Variants in PLA1A observed in about 807,000 individuals in gnomAD.
PLA1A encodes the protein phosphatidylserine-specific phospholipase A1alpha.
Under a neutral mutation model 49.4 loss-of-function variants are expected in PLA1A, and 47 were observed. The ratio of observed to expected loss-of-function variants is 0.95; its 90% CI spans 0.75 to 1.21. The LOEUF is 1.21. PLA1A is among the 50% of genes most tolerant of loss of function. The pLI is 0.00. For synonymous variants in PLA1A, 224 were observed against 207.9 expected (o/e 1.08, Z -0.67); for missense variants, 561 against 563.9 (o/e 0.99, Z 0.05).
chr3:119,622,211 G>GAAGAAGA (rs879382116), intron 8 of PLA1A, among the ~76,000 whole-genome samples: 914 of 38,180 alleles, frequency 0.024, 25 homozygotes, highest in African/African-American at 0.068. Context: ...GAAGAAGAAG[G>GAAGAAGA]AGACAGAATC....
intron 1 of PLA1A, chr3:119,600,131 T>C: frequency 2.1e-6 from 1 of 476,114 alleles, no homozygotes; most frequent in Non-Finnish European, 3.7e-6. Context: ...GCTCAAATGA[T>C]CGGGAGGGAG....
intron 8 of PLA1A, among the ~76,000 whole-genome samples, chr3:119,622,490 C>T (rs1577153787): frequency 6.6e-6 from 1 of 152,312 alleles, no homozygotes; most frequent in Middle Eastern, 3.4e-3. Flanking sequence ...AGGCCCCTTT[C>T]TTCTTGTGGG....
intron 8 of PLA1A, among the ~76,000 whole-genome samples, chr3:119,620,942 A>C (rs1397548161): frequency 6.6e-6 from 1 of 151,950 alleles, no homozygotes; most frequent in African/African-American, 2.4e-5. Flanking sequence ...CTGACTGTAA[A>C]CTCTATACTC....
intron 1 of PLA1A, among the ~76,000 whole-genome samples, chr3:119,605,390 G>T (rs532586927): frequency 6.6e-6 from 1 of 152,294 alleles, no homozygotes; most frequent in East Asian, 1.9e-4. Context: ...CCACAGGTGG[G>T]GTTCCCACAA....
Position 119,629,547 on chromosome 3 carries a change from C to A in PLA1A, c.*79C>A. Reference sequence around the variant, plus strand: ...AGGTGTGATGAGGGATGTGTGTGTGCAGCTTATTGTAGACCATTACTACTA... The same window carrying A: ...AGGTGTGATGAGGGATGTGTGTGTGAAGCTTATTGTAGACCATTACTACTA... On this transcript the variant is annotated 3_prime_UTR_variant, in exon 11 of 11. Transcript: ENST00000273371. The A allele has an allele frequency of 1.3e-6, 1 of 788,280 alleles. No homozygotes were observed. The highest frequency in any genetic ancestry group is 2.2e-6 in the Non-Finnish European group (1 of 447,446). The allele number at this position is 788,280 out of a possible 1,614,324, so 48.8% of individuals were successfully genotyped here.
chr3:119,622,103 A>AAGG (rs113459430), intron 8 of PLA1A, among the ~76,000 whole-genome samples: 5,150 of 147,334 alleles, frequency 0.035, 156 homozygotes, highest in Middle Eastern at 0.065. Context: ...GAAGAAGAAG[A>AAGG]AGAAGGAGAA....
At chr3:119,614,246 T>G (rs1410161704) in intron 5 of PLA1A, among the ~76,000 whole-genome samples, 1 of 152,172 alleles carries the variant, frequency 6.6e-6, no homozygotes, top group Non-Finnish European at 1.5e-5. Context: ...ATTTCACAGA[T>G]AGGAAACCAA....
At chr3:119,600,555 T>C (rs1225237765) in intron 1 of PLA1A, among the ~76,000 whole-genome samples, 1 of 152,172 alleles carries the variant, frequency 6.6e-6, no homozygotes, top group Non-Finnish European at 1.5e-5. Flanking sequence ...TTCTTCATCC[T>C]TGAATCCCCA....
intron 5 of PLA1A, 97 bp from the exon 6 acceptor site, chr3:119,615,914 TG>T (rs2082841123): frequency 1.4e-6 from 1 of 720,564 alleles, no homozygotes; most frequent in African/African-American, 1.7e-5. Flanking sequence ...AGAAGTGACG[TG>T]GCAGAGAGTG....
intron 1 of PLA1A, among the ~76,000 whole-genome samples, chr3:119,605,723 G>A (rs1028230261): frequency 1.3e-5 from 2 of 152,226 alleles, no homozygotes; most frequent in African/African-American, 4.8e-5. Context: ...AGTGGGGATC[G>A]GGGTGTGATG....
intron 1 of PLA1A, among the ~76,000 whole-genome samples, chr3:119,605,763 G>T (rs2082678033): frequency 6.6e-6 from 1 of 152,264 alleles, no homozygotes; most frequent in African/African-American, 2.4e-5. Flanking sequence ...CAGATTTTCA[G>T]CTCCCTGGGA....
intron 3 of PLA1A, among the ~76,000 whole-genome samples, chr3:119,609,185 G>A (rs971617788): frequency 1.3e-5 from 2 of 152,138 alleles, no homozygotes; most frequent in Non-Finnish European, 2.9e-5. Context: ...GACAGCGAAT[G>A]CAGATGGCCT....
At position 119,616,232 on chromosome 3, in the gene PLA1A, C is replaced by CG. The variant is rs1237643209; in HGVS notation, c.754+132dup. 7.4e-6 allele frequency: 5 copies of CG among 676,870 alleles called. No individual in the cohort carries two copies. The African/African-American group carries it at 8.9e-5, about 12-fold the overall frequency. 41.9% of individuals were successfully genotyped at this position (676,870 alleles called of 1,614,324 possible). A position where few individuals can be genotyped will look rare whatever the true frequency, so the allele number is the denominator to read the frequency against. ...CAGTGTCCTTTGCTATGTCCCATAA[C>CG]GCTTTACTCAGAATGTATTCAAGGA... is the stretch of plus-strand genomic sequence containing the variant. On this transcript the variant is annotated intron_variant, in intron 6 of 10. Coordinates refer to ENST00000273371, the MANE Select transcript of PLA1A (RefSeq NM_015900.4).
In PLA1A at chr3:119,628,853, C is replaced by T. The variant is rs1472484065; in HGVS notation, c.1274C>T (p.Pro425Leu). 1.2e-6 allele frequency: 2 copies of T among 1,613,698 alleles called. No homozygotes were observed. The highest frequency in any genetic ancestry group is 1.7e-6 in the Non-Finnish European group (2 of 1,179,712). ...IIGKFCTALL[P>L]VNDREKMVCL... ...GGGAAGTTCTGCACTGCCCTTTTGC[C>T]TGTCAATGACAGGTAAGCCCCAGTA... is the stretch of plus-strand genomic sequence containing the variant. Residue 425 changes from proline to leucine, a missense_variant, in exon 10 of 11, where the codon CCT becomes CTT. By Grantham distance (98) the Pro-to-Leu change is moderately conservative. Transcript: ENST00000273371.
chr3:119,611,278 T>G (rs1336003067), intron 4 of PLA1A, among the ~76,000 whole-genome samples: 1 of 152,162 alleles, frequency 6.6e-6, no homozygotes, highest in East Asian at 1.9e-4. Context: ...TCTTTTTGCT[T>G]AGGATTACCT....
intron 1 of PLA1A, among the ~76,000 whole-genome samples, chr3:119,604,864 G>T (rs1352764244): frequency 6.6e-6 from 1 of 151,934 alleles, no homozygotes; most frequent in Non-Finnish European, 1.5e-5. Flanking sequence ...AAAATGGAGG[G>T]GGTGTTTTTA....
At chr3:119,608,558 T>A (rs1213776295) in intron 2 of PLA1A, among the ~76,000 whole-genome samples, 1 of 152,348 alleles carries the variant, frequency 6.6e-6, no homozygotes, top group Non-Finnish European at 1.5e-5. Context: ...AGTTTTATAA[T>A]TTACACAAAG....
chr3:119,616,885 T>C (rs1243369697), intron 6 of PLA1A, among the ~76,000 whole-genome samples: 1 of 152,270 alleles, frequency 6.6e-6, no homozygotes, highest in African/African-American at 2.4e-5. Flanking sequence ...CCACTTTTCA[T>C]TTTTTCTTCA....
Position 119,609,501 on chromosome 3 carries a change from A to G in PLA1A, c.487A>G (p.Ile163Val). ...TGTGTCGGAATCCTCAATCCACATC[A>G]TTGGTGTTAGCCTGGGGGCCCACGT... is the stretch of plus-strand genomic sequence containing the variant. ...LGVSESSIHI[I>V]GVSLGAHVGG... The change falls in exon 4 of 11, where the codon ATT becomes GTT. Residue 163 changes from isoleucine (I) to valine (V), a missense_variant. By Grantham distance (29) the Ile-to-Val change is conservative. Transcript: ENST00000273371. The G allele has an allele frequency of 1.9e-6, 3 of 1,612,864 alleles. No homozygotes were observed. The highest frequency in any genetic ancestry group is 2.5e-6 in the Non-Finnish European group (3 of 1,178,966).
Sources: gnomAD v4.1 joint callset for allele counts (sites outside exome capture counted in the v4.1 genomes callset) on GRCh38, gnomAD v4.1.1 for gene constraint, MANE v1.5 for transcripts, NCBI Gene and HGNC (gene_info 2026-07-23, HGNC 2026-07-21) for gene names.